KCNIP4: variants seen among roughly 807,000 people sequenced by gnomAD.
The protein encoded by KCNIP4 is potassium voltage-gated channel interacting protein 4.
Under a neutral mutation model 34.0 loss-of-function variants are expected in KCNIP4, and 12 were observed. The observed-to-expected ratio is 0.35, with a 90% CI of 0.23 to 0.57. The LOEUF (loss-of-function observed/expected upper bound fraction) is 0.57. KCNIP4 is among the 20% of genes least tolerant of loss of function. KCNIP4 has a pLI of 0.83. For missense variants in KCNIP4, 238 were observed against 311.7 expected, an observed-to-expected ratio of 0.76 and a Z score of 1.78; for synonymous variants, 124 against 102.2, an observed-to-expected ratio of 1.21 and a Z score of -1.29.
chr4:20,953,927 C>G (rs1276942486), intron 1 of KCNIP4, among the ~76,000 whole-genome samples: 1 of 152,126 alleles, frequency 6.6e-6, no homozygotes, highest in East Asian at 1.9e-4. Context: ...GTGGGCCATG[C>G]AGGTTAGCAA....
At chr4:21,947,002 G>A (rs1730545646) in intron 1 of KCNIP4, among the ~76,000 whole-genome samples, 1 of 152,190 alleles carries the variant, frequency 6.6e-6, no homozygotes, top group South Asian at 2.1e-4. Context: ...AACAGGTACA[G>A]TCAAAGAGCT....
At position 21,656,404 on chromosome 4, in the gene KCNIP4, G is replaced by T. The variant is rs1455202436; in HGVS notation, c.61+292167C>A. The T allele has an allele frequency of 5.3e-5, 8 of 152,124 alleles. 1 individual carries two copies. In the East Asian group the frequency reaches 1.5e-3, roughly 29 times the overall value. The allele number at this position is 152,124 out of a possible 1,614,324, so 9.4% of individuals were successfully genotyped here. ...TAAAGTTGCATTCTGAAATATTGGG[G>T]GTTAGAACTTCAACATGTGAATTTA... On this transcript the variant is annotated intron_variant, in intron 1 of 8. Coordinates refer to ENST00000382152, the MANE Select transcript of KCNIP4 (RefSeq NM_025221.6).
chr4:21,057,811 AATG>A (rs1408808017), intron 1 of KCNIP4, among the ~76,000 whole-genome samples: 1 of 152,240 alleles, frequency 6.6e-6, no homozygotes, highest in Non-Finnish European at 1.5e-5. Context: ...TAAGAATTGT[AATG>A]ATAATGATGA....
intron 1 of KCNIP4, among the ~76,000 whole-genome samples, chr4:21,579,289 A>C (rs1741015484): frequency 6.6e-6 from 1 of 152,178 alleles, no homozygotes; most frequent in South Asian, 2.1e-4. Context: ...ACACAAGTAC[A>C]AGATGAGCCT....
intron 1 of KCNIP4, among the ~76,000 whole-genome samples, chr4:21,012,158 T>G (rs1405097271): frequency 6.6e-6 from 1 of 152,224 alleles, no homozygotes; most frequent in Non-Finnish European, 1.5e-5. Context: ...AGTCAAGCCT[T>G]GTGGTTCCTG....
intron 1 of KCNIP4, among the ~76,000 whole-genome samples, chr4:21,641,043 A>C (rs189569663): frequency 7.5e-4 from 115 of 152,338 alleles, no homozygotes; most frequent in Non-Finnish European, 1.3e-3. Context: ...TTCTTCTGCA[A>C]ACTGAGCTGC....
chr4:21,680,171 C>T (rs776325060), intron 1 of KCNIP4, among the ~76,000 whole-genome samples: 1 of 140,424 alleles, frequency 7.1e-6, no homozygotes, highest in African/African-American at 2.5e-5. Context: ...GTTTATGTAA[C>T]AGTCTAAATT....
chr4:20,779,320 A>T (rs941337001), intron 3 of KCNIP4, among the ~76,000 whole-genome samples: 2 of 152,112 alleles, frequency 1.3e-5, no homozygotes, highest in African/African-American at 4.8e-5. Flanking sequence ...AGATGAGGAG[A>T]CACTAGATCA....
intron 1 of KCNIP4, among the ~76,000 whole-genome samples, chr4:21,834,073 G>C (rs1239176260): frequency 2.0e-5 from 3 of 152,042 alleles, no homozygotes; most frequent in African/African-American, 7.2e-5. Context: ...TTGGCTATGT[G>C]GGCTCTTTTT....
chr4:20,919,649 G>A (rs1366966320), intron 1 of KCNIP4, among the ~76,000 whole-genome samples: 3 of 148,938 alleles, frequency 2.0e-5, no homozygotes, highest in Non-Finnish European at 1.5e-5. Flanking sequence ...CTTGCCCTGA[G>A]CGGAGATGGC....
intron 1 of KCNIP4, among the ~76,000 whole-genome samples, chr4:21,521,189 G>A (rs1250124055): frequency 6.6e-6 from 1 of 152,140 alleles, no homozygotes; most frequent in Non-Finnish European, 1.5e-5. Flanking sequence ...AATATTCTAA[G>A]CAAGAAACAG....
chr4:20,919,332 C>A (rs757493307), intron 1 of KCNIP4, among the ~76,000 whole-genome samples: 1 of 151,928 alleles, frequency 6.6e-6, no homozygotes, highest in South Asian at 2.1e-4. Context: ...ATGGATGAGT[C>A]CTTGCTCGGC....
intron 1 of KCNIP4, among the ~76,000 whole-genome samples, chr4:21,261,401 C>G (rs1761459594): frequency 6.6e-6 from 1 of 152,080 alleles, no homozygotes. Context: ...TTCATTACTA[C>G]AAGTTAAGAG....
chr4:21,647,158 C>A (rs1437943649), intron 1 of KCNIP4, among the ~76,000 whole-genome samples: 1 of 151,840 alleles, frequency 6.6e-6, no homozygotes, highest in Non-Finnish European at 1.5e-5. Context: ...CTTTGAGTTG[C>A]AGTTTATCTT....
intron 1 of KCNIP4, among the ~76,000 whole-genome samples, chr4:21,551,344 A>C (rs892288967): frequency 2.0e-5 from 3 of 152,108 alleles, no homozygotes; most frequent in Non-Finnish European, 4.4e-5. Flanking sequence ...TTCAGTTTAC[A>C]GTGATAAATT....
chr4:21,275,983 A>G (rs1388588142), intron 1 of KCNIP4, among the ~76,000 whole-genome samples: 1 of 152,238 alleles, frequency 6.6e-6, no homozygotes, highest in African/African-American at 2.4e-5. Flanking sequence ...AAAACTCATG[A>G]TGCTTTAATA....
rs563691139 is a variant in KCNIP4, at chr4:21,253,025, A to C, written c.62-370316T>G. Among the ~76,000 whole-genome samples, 3 of 152,316 alleles carry C rather than the reference A, an allele frequency of 2.0e-5. No individual in the cohort carries two copies. The South Asian group carries it at 6.2e-4, about 32-fold the overall frequency. On this transcript the variant is annotated intron_variant, in intron 1 of 8. Coordinates refer to ENST00000382152, the MANE Select transcript of KCNIP4 (RefSeq NM_025221.6). ...CCATGGAAAGCACTTTGAACTTCTC[A>C]GAAGTAAGATTTTACAGAAGTACAA...
intron 1 of KCNIP4, among the ~76,000 whole-genome samples, chr4:20,989,998 A>C (rs982885950): frequency 6.6e-6 from 1 of 152,170 alleles, no homozygotes; most frequent in African/African-American, 2.4e-5. Flanking sequence ...CATTCACGAC[A>C]GTGGTAAAGC....
intron 1 of KCNIP4, among the ~76,000 whole-genome samples, chr4:21,415,501 G>A (rs1420456679): frequency 1.3e-5 from 2 of 150,598 alleles, no homozygotes; most frequent in Non-Finnish European, 2.9e-5. Flanking sequence ...AGACCAGCCT[G>A]ACCAACATGG....
Sources: gnomAD v4.1 joint callset for allele counts (sites outside exome capture counted in the v4.1 genomes callset) on GRCh38, gnomAD v4.1.1 for gene constraint, MANE v1.5 for transcripts, NCBI Gene and HGNC (gene_info 2026-07-23, HGNC 2026-07-21) for gene names.